Variants in GABRB1 observed in about 807,000 individuals in gnomAD.
GABRB1 encodes gamma-aminobutyric acid receptor subunit beta-1.
Under a neutral mutation model 51.6 loss-of-function variants are expected in GABRB1, and 17 were observed. That is an observed-to-expected ratio of 0.33 (90% CI 0.23 to 0.49). The LOEUF is 0.49. Among genes scored for constraint, GABRB1 ranks in the 20% least tolerant of loss-of-function variants. GABRB1 has a pLI of 0.99. For missense variants in GABRB1, 410 were observed against 600.6 expected (o/e 0.68, Z 3.32); for synonymous variants, 247 against 218.9 (o/e 1.13, Z -1.14).
At chr4:47,009,239 T>A (rs897659115) in intron 1 of GABRB1, among the ~76,000 whole-genome samples, 8 of 150,404 alleles carry the variant, frequency 5.3e-5, no homozygotes, top group African/African-American at 1.9e-4. Context: ...AAAATATTTA[T>A]TAATTAAATT....
At chr4:47,255,700 A>C (rs1722171770) in intron 4 of GABRB1, among the ~76,000 whole-genome samples, 1 of 152,224 alleles carries the variant, frequency 6.6e-6, no homozygotes, top group African/African-American at 2.4e-5. Flanking sequence ...GCTTGTTAAA[A>C]CACAGATTGC....
intron 4 of GABRB1, among the ~76,000 whole-genome samples, chr4:47,285,576 C>T (rs980486203): frequency 6.6e-6 from 1 of 152,208 alleles, no homozygotes; most frequent in Non-Finnish European, 1.5e-5. Flanking sequence ...ACTTCCAGGG[C>T]CAGCACCAAC....
chr4:47,227,458 G>C (rs1034345483), intron 4 of GABRB1, among the ~76,000 whole-genome samples: 1 of 152,114 alleles, frequency 6.6e-6, no homozygotes, highest in African/African-American at 2.4e-5. Flanking sequence ...GAAGTTTATT[G>C]AGGTGCTATC....
intron 3 of GABRB1, among the ~76,000 whole-genome samples, chr4:47,095,513 C>T (rs1307932737): frequency 6.6e-6 from 1 of 152,202 alleles, no homozygotes; most frequent in Non-Finnish European, 1.5e-5. Flanking sequence ...GTGGCTGGAA[C>T]ATGATGGCAA....
intron 4 of GABRB1, among the ~76,000 whole-genome samples, chr4:47,315,248 GAAGA>G (rs1392493953): frequency 2.6e-5 from 4 of 151,850 alleles, no homozygotes. Flanking sequence ...CCTTTCAAAA[GAAGA>G]CATACACGCA....
chr4:47,100,110 G>T (rs1485143324), intron 3 of GABRB1, among the ~76,000 whole-genome samples: 1 of 151,860 alleles, frequency 6.6e-6, no homozygotes, highest in Non-Finnish European at 1.5e-5. Flanking sequence ...ATGCTATTTT[G>T]CTTTATATTT....
chr4:47,008,879 T>TTTTTTTTTTTTTTTTTTTTTTTTTTG (rs1333627915), intron 1 of GABRB1, among the ~76,000 whole-genome samples: 1 of 124,672 alleles, frequency 8.0e-6, no homozygotes, highest in Non-Finnish European at 1.7e-5. Context: ...TTTTTTTTTT[T>TTTTTTTTTTTTTTTTTTTTTTTTTTG]TTTGAGACGA....
chr4:47,184,063 G>T (rs577302403), intron 4 of GABRB1, among the ~76,000 whole-genome samples: 2 of 151,970 alleles, frequency 1.3e-5, no homozygotes, highest in African/African-American at 2.4e-5. Flanking sequence ...ATTATAAAGT[G>T]ATTCCCACTG....
chr4:47,395,348 C>T (rs555103997), intron 5 of GABRB1, among the ~76,000 whole-genome samples: 5 of 152,178 alleles, frequency 3.3e-5, no homozygotes, highest in African/African-American at 1.2e-4. Context: ...CGAGAGAGAG[C>T]AAAGGGGGAA....
At chr4:47,049,352 G>A (rs1726242838) in intron 3 of GABRB1, among the ~76,000 whole-genome samples, 1 of 152,272 alleles carries the variant, frequency 6.6e-6, no homozygotes, top group Non-Finnish European at 1.5e-5. Context: ...AACAACAGAA[G>A]GGGAGAAGCA....
At chr4:47,404,278 T>A (rs1728494887) in intron 7 of GABRB1, among the ~76,000 whole-genome samples, 1 of 152,154 alleles carries the variant, frequency 6.6e-6, no homozygotes, top group Admixed American at 6.5e-5. Flanking sequence ...ATGATTTCCT[T>A]CTTGGGGGAA....
intron 5 of GABRB1, among the ~76,000 whole-genome samples, chr4:47,370,426 A>T (rs1727146739): frequency 6.6e-6 from 1 of 151,832 alleles, no homozygotes; most frequent in Non-Finnish European, 1.5e-5. Context: ...AGCGGAAGTC[A>T]TAGTAAGCTG....
At chr4:47,388,122 A>G (rs1045816927) in intron 5 of GABRB1, among the ~76,000 whole-genome samples, 3 of 152,254 alleles carry the variant, frequency 2.0e-5, no homozygotes, top group Non-Finnish European at 4.4e-5. Context: ...TCCAAAATAC[A>G]TAAAGAATAT....
chr4:47,189,562 G>T (rs779398861), intron 4 of GABRB1, among the ~76,000 whole-genome samples: 1 of 151,638 alleles, frequency 6.6e-6, no homozygotes, highest in Non-Finnish European at 1.5e-5. Context: ...GGAGGGTATC[G>T]GATAGTTTCT....
intron 3 of GABRB1, among the ~76,000 whole-genome samples, chr4:47,089,153 C>G (rs1577897291): frequency 6.6e-6 from 1 of 152,308 alleles, no homozygotes; most frequent in East Asian, 1.9e-4. Flanking sequence ...GAAAAACCTC[C>G]AAAACCTTAA....
At chr4:47,353,282 T>C (rs1726429367) in intron 5 of GABRB1, among the ~76,000 whole-genome samples, 1 of 152,190 alleles carries the variant, frequency 6.6e-6, no homozygotes, top group African/African-American at 2.4e-5. Context: ...CAAAGTGTAA[T>C]GAATTTCATC....
Position 47,426,219 on chromosome 4 carries a change from T to G in GABRB1, c.*201T>G. 1 of 441,694 alleles carries G rather than the reference T, an allele frequency of 2.3e-6. No homozygotes were observed. The highest frequency in any genetic ancestry group is 3.6e-5 in the East Asian group (1 of 27,706). 27.4% of individuals were successfully genotyped at this position (441,694 alleles called of 1,614,324 possible). A position where few individuals can be genotyped will look rare whatever the true frequency, so the allele number is the denominator to read the frequency against. On this transcript the variant is annotated 3_prime_UTR_variant, in exon 9 of 9. Coordinates refer to ENST00000295454, the MANE Select transcript of GABRB1 (RefSeq NM_000812.4). ...CAAAAAAAAAATTATTTTTCCAGTC[T>G]ACCGTGGTCCAGGTTATCAGCTCTT...
Position 47,193,252 on chromosome 4 carries a change from AG to A in GABRB1, c.461+31784del, listed in dbSNP as rs1288460446. 1.1e-4 allele frequency among the ~76,000 whole-genome samples: 16 copies of A among 152,284 alleles called. 1 individual carries two copies. Among genetic ancestry groups the A allele is most frequent in the Admixed American group, 7.2e-4 (11 of 15,294 alleles). Reference sequence around the variant, plus strand: ...ATTCTCCTGCCTCAGCCTCCTGAGTAGCTGGGATTACAGGCATGCGCCACCA... The same window carrying A: ...ATTCTCCTGCCTCAGCCTCCTGAGTACTGGGATTACAGGCATGCGCCACCA... On this transcript the variant is annotated intron_variant, in intron 4 of 8. Transcript: ENST00000295454.
intron 3 of GABRB1, among the ~76,000 whole-genome samples, chr4:47,082,104 G>T (rs1417742654): frequency 6.6e-6 from 1 of 151,792 alleles, no homozygotes; most frequent in Non-Finnish European, 1.5e-5. Flanking sequence ...TGCTATGTTT[G>T]GCTTCATTAA....
Sources: gnomAD v4.1 joint callset for allele counts (sites outside exome capture counted in the v4.1 genomes callset) on GRCh38, gnomAD v4.1.1 for gene constraint, MANE v1.5 for transcripts, NCBI Gene and HGNC (gene_info 2026-07-23, HGNC 2026-07-21) for gene names.